The following EPHA10 variants were observed in gnomAD, a reference collection of about 807,000 sequenced individuals.
EPHA10 encodes EPH receptor A10.
Under a neutral mutation model 109.7 loss-of-function variants are expected in EPHA10, and 120 were observed. That is an observed-to-expected ratio of 1.09 (90% CI 0.94 to 1.27). The LOEUF (loss-of-function observed/expected upper bound fraction) is 1.27, where lower values mean the gene tolerates loss of function less well. EPHA10 is among the 50% of genes most tolerant of loss of function. The pLI is 0.00. For synonymous variants in EPHA10, 640 were observed against 618.9 expected, an observed-to-expected ratio of 1.03 and a Z score of -0.51; for missense variants, 1,396 against 1,411.1, an observed-to-expected ratio of 0.99 and a Z score of 0.17.
intron 7 of EPHA10, among the ~76,000 whole-genome samples, chr1:37,730,745 G>A (rs1645968536): frequency 6.6e-6 from 1 of 151,932 alleles, no homozygotes; most frequent in Non-Finnish European, 1.5e-5. Flanking sequence ...AGGCTGGAAC[G>A]TAGTGGCATA....
At chr1:37,720,102 A>G in intron 13 of EPHA10, 44 bp from the exon 14 acceptor site, 1 of 1,606,860 alleles carries the variant, frequency 6.2e-7, no homozygotes. Context: ...ACTGGGTGAC[A>G]CGCAGGTTTC....
chr1:37,722,791 T>C, intron 10 of EPHA10: 1 of 629,536 alleles, frequency 1.6e-6, no homozygotes, highest in Non-Finnish European at 2.9e-6. Context: ...AGTGGCAGTG[T>C]GCAGAGGTCT....
chr1:37,762,718 G>A (rs952448744), intron 2 of EPHA10, 67 bp downstream of exon 2: 8 of 1,412,512 alleles, frequency 5.7e-6, no homozygotes, highest in Non-Finnish European at 7.6e-6. Context: ...AACATGAGGA[G>A]CTGAGGAGAC....
intron 3 of EPHA10, among the ~76,000 whole-genome samples, chr1:37,755,599 G>A (rs527770751): frequency 2.6e-5 from 4 of 152,316 alleles, no homozygotes; most frequent in Admixed American, 6.5e-5. Context: ...CTTATTTGCT[G>A]TGTGGCCTTG....
chr1:37,752,859 G>A lies in EPHA10; in HGVS notation c.1357+17C>T. The A allele has an allele frequency of 8.0e-7, 1 of 1,257,516 alleles. No homozygotes were observed. The highest frequency in any genetic ancestry group is 1.0e-6 in the Non-Finnish European group (1 of 1,000,964). 77.9% of individuals were successfully genotyped at this position (1,257,516 alleles called of 1,614,324 possible). A position where few individuals can be genotyped will look rare whatever the true frequency, so the allele number is the denominator to read the frequency against. On this transcript the variant is annotated intron_variant, in intron 5 of 16. Transcript: ENST00000373048. ...CAGGCGCGGTGGCCTCGGGGTGGGG[G>A]GCGCGGACGGCCTTACCCCCGGGCC... is the stretch of plus-strand genomic sequence containing the variant.
intron 9 of EPHA10, 58 bp downstream of exon 9, chr1:37,723,253 G>T: frequency 6.2e-7 from 1 of 1,609,344 alleles, no homozygotes; most frequent in Non-Finnish European, 8.5e-7. Context: ...AAGGCAGAGG[G>T]CTGAGGAGTG....
In EPHA10 at chr1:37,764,379, G is replaced by T. The variant is rs990203320; in HGVS notation, c.106+582C>A. On this transcript the variant is annotated intron_variant, in intron 1 of 16. Coordinates refer to ENST00000373048, the MANE Select transcript of EPHA10 (RefSeq NM_001099439.2). The surrounding 1 kb of genome is among the most constrained non-coding windows in gnomAD (Gnocchi z 5.8). ...TAGCTCCCCTAAATGCACAATCAGA[G>T]GCAAGACGCGGGCTCCAGTATCGCC... Among the ~76,000 whole-genome samples the T allele has an allele frequency of 4.6e-5, 7 of 152,224 alleles. No homozygotes were observed. Among genetic ancestry groups the T allele is most frequent in the African/African-American group, 1.7e-4 (7 of 41,460 alleles).
intron 14 of EPHA10, 27 bp from the exon 15 acceptor site, chr1:37,719,634 A>T: frequency 6.2e-7 from 1 of 1,610,944 alleles, no homozygotes; most frequent in Non-Finnish European, 8.5e-7. Context: ...GGGAGCAGAG[A>T]GGAGGCTCTG....
chr1:37,760,375 G>C, intron 3 of EPHA10: 1 of 1,053,434 alleles, frequency 9.5e-7, no homozygotes, highest in Non-Finnish European at 1.1e-6. Flanking sequence ...AGAATGAGAG[G>C]TCTGTTCCTA....
At chr1:37,718,955 G>T (rs1427515987) in intron 15 of EPHA10, 139 bp from the exon 16 acceptor site, 2 of 1,106,076 alleles carry the variant, frequency 1.8e-6, no homozygotes, top group Admixed American at 5.6e-5. Flanking sequence ...TGGCTCACAT[G>T]AGCACTGTGC....
At chr1:37,723,742 T>C (rs978245015) in intron 8 of EPHA10, among the ~76,000 whole-genome samples, 3 of 152,262 alleles carry the variant, frequency 2.0e-5, no homozygotes, top group Non-Finnish European at 4.4e-5. Flanking sequence ...GGGCAGCTTC[T>C]GGTCTGGTCA....
rs954578694 is a variant in EPHA10 at position 37,720,489 on chromosome 1, C to T, written c.2274G>A (p.Met758Ile). ...MGLLPGLASA[M>I]KYLSEMGYVH... is the part of the protein sequence containing the mutation. ...CGTAGCCCATCTCTGACAGATACTTCATGGCTGATGCCAGCCCAGGCAGCA... is the reference window on the plus strand; with the variant it reads ...CGTAGCCCATCTCTGACAGATACTTTATGGCTGATGCCAGCCCAGGCAGCA... The change falls in exon 13 of 17, where the codon ATG (methionine) becomes ATA (isoleucine). Residue 758 changes from methionine to isoleucine, a missense_variant. By Grantham distance (10) the Met-to-Ile change is conservative. Transcript: ENST00000373048. 1 of 1,613,438 alleles carries T rather than the reference C, an allele frequency of 6.2e-7. No homozygotes were observed. Among genetic ancestry groups the T allele is most frequent in the South Asian group, 1.1e-5 (1 of 91,060 alleles).
intron 3 of EPHA10, among the ~76,000 whole-genome samples, chr1:37,758,957 A>G (rs1448939516): frequency 6.6e-6 from 1 of 152,136 alleles, no homozygotes; most frequent in Non-Finnish European, 1.5e-5. Flanking sequence ...CTCCTGTATC[A>G]CATGGTCACT....
At chr1:37,742,220 T>C (rs906285166) in intron 5 of EPHA10, among the ~76,000 whole-genome samples, 1 of 152,206 alleles carries the variant, frequency 6.6e-6, no homozygotes, top group Non-Finnish European at 1.5e-5. Flanking sequence ...TTACAGCAGA[T>C]AGTACTGGAA....
At chr1:37,732,634 A>T (rs1646003433) in intron 6 of EPHA10, among the ~76,000 whole-genome samples, 1 of 152,088 alleles carries the variant, frequency 6.6e-6, no homozygotes, top group Non-Finnish European at 1.5e-5. Flanking sequence ...GGCAGAGAGG[A>T]GGAAGGAGCA....
chr1:37,742,265 G>C (rs1324155852), intron 5 of EPHA10, among the ~76,000 whole-genome samples: 1 of 152,186 alleles, frequency 6.6e-6, no homozygotes, highest in Non-Finnish European at 1.5e-5. Flanking sequence ...TTTCCTGCTA[G>C]CTGAGCTGAA....
Position 37,764,901 on chromosome 1 carries a change from T to C in EPHA10, c.106+60A>G, listed in dbSNP as rs547831046. The stretch of plus-strand genomic sequence containing the variant: ...ATGACTCCTTCCCCCAGAACCCCCA[T>C]CGCCAGCCCCCTATCTTTTGGTATG... On this transcript the variant is annotated intron_variant, in intron 1 of 16. Coordinates refer to ENST00000373048, the MANE Select transcript of EPHA10 (RefSeq NM_001099439.2). The surrounding 1 kb of genome is among the most constrained non-coding windows in gnomAD (Gnocchi z 5.8). The C allele has an allele frequency of 2.0e-4, 289 of 1,469,160 alleles. No individual in the cohort carries two copies. The African/African-American group carries it at 3.6e-3, about 19-fold the overall frequency. 91.0% of individuals were successfully genotyped at this position (1,469,160 alleles called of 1,614,324 possible). A position where few individuals can be genotyped will look rare whatever the true frequency, so the allele number is the denominator to read the frequency against.
rs1223339675 is a variant in EPHA10, at chr1:37,762,086, G to A, written c.172-3C>T. The A allele has an allele frequency of 2.5e-6, 4 of 1,574,736 alleles. No homozygotes were observed. In the Admixed American group the frequency reaches 5.3e-5, roughly 21 times the overall value. On this transcript the variant is annotated splice_region_variant and splice_polypyrimidine_tract_variant and intron_variant, in intron 2 of 16. Transcript: ENST00000373048. ...TCCACGCCGCTGATCTCCTCCCACTGGGGACAAGAGTAAAGGGGTGGGCAG... is the reference window on the plus strand; with the variant it reads ...TCCACGCCGCTGATCTCCTCCCACTAGGGACAAGAGTAAAGGGGTGGGCAG...
In EPHA10 at chr1:37,720,846, T is replaced by G; in HGVS notation, c.2147-2A>C. On this transcript the variant is annotated splice_acceptor_variant, in intron 11 of 16. Coordinates refer to ENST00000373048, the MANE Select transcript of EPHA10 (RefSeq NM_001099439.2). LOFTEE classifies it high-confidence loss of function. Reference sequence around the variant, plus strand: ...CGGTGACAATCATCAAGGTGCTTCCTGTGCCCAGGGATGGGAACACACATG... The same window carrying G: ...CGGTGACAATCATCAAGGTGCTTCCGGTGCCCAGGGATGGGAACACACATG... The G allele has an allele frequency of 2.5e-6, 4 of 1,614,110 alleles. No individual in the cohort carries two copies. The highest frequency in any genetic ancestry group is 1.1e-5 in the South Asian group (1 of 91,078).
Sources: gnomAD v4.1 joint callset for allele counts (sites outside exome capture counted in the v4.1 genomes callset) on GRCh38, gnomAD v4.1.1 for gene constraint, Gnocchi (gnomAD v3.1) non-coding constraint, MANE v1.5 for transcripts, NCBI Gene and HGNC (gene_info 2026-07-23, HGNC 2026-07-21) for gene names.